Variants in SCN7A observed in about 807,000 individuals in gnomAD.
The protein encoded by SCN7A is sodium voltage-gated channel alpha subunit 7.
SCN7A carries 138 observed loss-of-function variants against 155.2 expected under a neutral mutation model. The observed-to-expected ratio is 0.89, with a 90% CI of 0.77 to 1.02. The LOEUF (loss-of-function observed/expected upper bound fraction) is 1.02, where lower values mean the gene tolerates loss of function less well. Among genes scored for constraint, SCN7A ranks in the 50% least tolerant of loss-of-function variants. The pLI is 0.00. For missense variants in SCN7A, 2,058 were observed against 1,986.6 expected, an observed-to-expected ratio of 1.04 and a Z score of -0.68; for synonymous variants, 693 against 649.0, an observed-to-expected ratio of 1.07 and a Z score of -1.03.
Position 166,406,338 on chromosome 2 carries a change from C to T in SCN7A, c.4291G>A (p.Ala1431Thr). Residue 1431 changes from alanine (A) to threonine (T), a missense_variant, in exon 26 of 26, where the codon GCA (alanine) becomes ACA (threonine). Ala to Thr is a moderately conservative substitution (Grantham distance 58). Transcript: ENST00000643258. ...GNSMLCLFQV[A>T]IFAGWDGMLD... ...ATCCCATCCCAACCAGCAAATATTG[C>T]AACTTGAAAAAGACAGAGCATACTG... The T allele has an allele frequency of 6.2e-7, 1 of 1,613,138 alleles. No individual in the cohort carries two copies.
Position 166,405,770 on chromosome 2 carries a change from A to G in SCN7A, c.4859T>C (p.Leu1620Ser). ...KITCEPITTT[L>S]KRKQEAVSAT... ...TGAAACTGCCTCTTGTTTTCGTTTC[A>G]AAGTAGTCGTAATTGGCTCACATGT... Residue 1620 changes from leucine (L) to serine (S), a missense_variant, in exon 26 of 26, where the codon TTG becomes TCG. Coordinates refer to ENST00000643258, the MANE Select transcript of SCN7A (RefSeq NM_002976.4). 3 of 1,612,978 alleles carry G rather than the reference A, an allele frequency of 1.9e-6. No individual in the cohort carries two copies.
chr2:166,480,870 C>T (rs1479816530), intron 2 of SCN7A, among the ~76,000 whole-genome samples: 1 of 152,122 alleles, frequency 6.6e-6, no homozygotes, highest in Non-Finnish European at 1.5e-5. Context: ...TATTCATGCT[C>T]TACTTTCTCA....
intron 23 of SCN7A, among the ~76,000 whole-genome samples, chr2:166,410,585 T>A (rs1164722819): frequency 6.6e-6 from 1 of 151,956 alleles, no homozygotes; most frequent in Non-Finnish European, 1.5e-5. Context: ...AACTCTATTT[T>A]CACATAGGGT....
intron 10 of SCN7A, among the ~76,000 whole-genome samples, chr2:166,459,986 G>C (rs938840936): frequency 1.3e-5 from 2 of 152,152 alleles, no homozygotes; most frequent in Non-Finnish European, 2.9e-5. Context: ...CAGAGGGTGG[G>C]AGGAAGGGGA....
chr2:166,482,704 T>C lies in SCN7A; in HGVS notation c.-15+4152A>G, dbSNP rs529546946. Among the ~76,000 whole-genome samples, 4 of 150,086 alleles carry C rather than the reference T, an allele frequency of 2.7e-5. 1 individual carries two copies. The South Asian group carries it at 6.4e-4, about 24-fold the overall frequency. Reference sequence around the variant, plus strand: ...TGATGTTGAATCAAACTACCCTGGGTTGTTGACTAGATGAATGAATGAATG... The same window carrying C: ...TGATGTTGAATCAAACTACCCTGGGCTGTTGACTAGATGAATGAATGAATG... On this transcript the variant is annotated intron_variant, in intron 2 of 25. Coordinates refer to ENST00000643258, the MANE Select transcript of SCN7A (RefSeq NM_002976.4).
intron 7 of SCN7A, among the ~76,000 whole-genome samples, chr2:166,470,285 C>T (rs1279930279): frequency 6.6e-6 from 1 of 151,836 alleles, no homozygotes; most frequent in African/African-American, 2.4e-5. Flanking sequence ...GCAGATTAGA[C>T]ATCTGTCTAG....
At chr2:166,481,988 T>G (rs994511752) in intron 2 of SCN7A, among the ~76,000 whole-genome samples, 1 of 152,142 alleles carries the variant, frequency 6.6e-6, no homozygotes, top group African/African-American at 2.4e-5. Flanking sequence ...ACCTTCCCCT[T>G]AACTACCAAT....
chr2:166,450,622 C>G (rs763466547), intron 11 of SCN7A, among the ~76,000 whole-genome samples: 3 of 152,070 alleles, frequency 2.0e-5, no homozygotes, highest in Non-Finnish European at 4.4e-5. Context: ...GGTGAAACCC[C>G]GTCTCTACTA....
chr2:166,482,107 T>C (rs1702943128), intron 2 of SCN7A, among the ~76,000 whole-genome samples: 1 of 152,172 alleles, frequency 6.6e-6, no homozygotes, highest in Admixed American at 6.5e-5. Flanking sequence ...ATTGGTTGAA[T>C]TTGTTGCACA....
At chr2:166,409,997 T>C in intron 24 of SCN7A, 62 bp from the exon 25 acceptor site, 1 of 1,371,378 alleles carries the variant, frequency 7.3e-7, no homozygotes, top group East Asian at 2.5e-5. Context: ...ATATATATGG[T>C]CTTTTATACA....
chr2:166,414,086 TA>T (rs1321415966), intron 21 of SCN7A, among the ~76,000 whole-genome samples: 6 of 76,544 alleles, frequency 7.8e-5, no homozygotes, highest in Admixed American at 4.5e-4. Flanking sequence ...TAAATATATG[TA>T]AATATATATA....
At chr2:166,441,329 C>T in intron 15 of SCN7A, 67 bp downstream of exon 15, 1 of 1,117,288 alleles carries the variant, frequency 9.0e-7, no homozygotes. Context: ...CATCAATGCA[C>T]ATCATGAAAA....
intron 18 of SCN7A, among the ~76,000 whole-genome samples, chr2:166,423,706 G>A (rs1016801443): frequency 1.3e-5 from 2 of 151,888 alleles, no homozygotes; most frequent in Admixed American, 6.6e-5. Context: ...TTTAAATAGC[G>A]ATCCAAAAAT....
rs561076374 is a variant in SCN7A, at chr2:166,415,107, C to A, written c.3414+1600G>T. Among the ~76,000 whole-genome samples, 63 of 148,158 alleles carry A rather than the reference C, an allele frequency of 4.3e-4. 1 individual carries two copies. The highest frequency in any genetic ancestry group is 1.5e-3 in the African/African-American group (62 of 40,394). ...GCCTGACTAATACATTACCCTATAA[C>A]CTGATCAGTGGTGGTAAAGATAGTT... On this transcript the variant is annotated intron_variant, in intron 21 of 25. Coordinates refer to ENST00000643258, the MANE Select transcript of SCN7A (RefSeq NM_002976.4).
At chr2:166,410,410 T>G in intron 23 of SCN7A, 86 bp from the exon 24 acceptor site, 2 of 840,930 alleles carry the variant, frequency 2.4e-6, no homozygotes, top group Non-Finnish European at 3.6e-6. Flanking sequence ...GACTTGGCAA[T>G]TATTGATTTA....
intron 2 of SCN7A, among the ~76,000 whole-genome samples, chr2:166,486,616 A>T (rs558591570): frequency 6.6e-6 from 1 of 152,296 alleles, no homozygotes; most frequent in African/African-American, 2.4e-5. Flanking sequence ...TAATACTGAA[A>T]ATCTAGGAGC....
At chr2:166,443,417 T>C (rs1575031057) in intron 14 of SCN7A, 86 bp downstream of exon 14, 3 of 1,077,334 alleles carry the variant, frequency 2.8e-6, no homozygotes, top group Middle Eastern at 2.0e-4. Flanking sequence ...CCCAATGGGA[T>C]AGGTATTACT....
At position 166,462,913 on chromosome 2, in the gene SCN7A, C is replaced by G. The variant is rs1045049147; in HGVS notation, c.942-383G>C. Among the ~76,000 whole-genome samples the G allele has an allele frequency of 2.6e-5, 4 of 152,182 alleles. No homozygotes were observed. The East Asian group carries it at 7.7e-4, about 29-fold the overall frequency. ...AATTAGCATATGCATACCTCACATA[C>G]TTATTTTTTTGTGGTGAGAATACTT... On this transcript the variant is annotated intron_variant, in intron 9 of 25. Transcript: ENST00000643258.
intron 5 of SCN7A, among the ~76,000 whole-genome samples, chr2:166,473,007 T>C (rs1283447220): frequency 1.3e-5 from 2 of 151,596 alleles, no homozygotes. Context: ...CAACAGACAC[T>C]GGGGCCTTTT....
Sources: allele counts gnomAD v4.1 joint callset (sites outside exome capture counted in the v4.1 genomes callset), GRCh38; gene constraint gnomAD v4.1.1; transcripts MANE v1.5; gene names NCBI Gene and HGNC (gene_info 2026-07-23, HGNC 2026-07-21).